KIAA0586: variants seen among roughly 807,000 people sequenced by gnomAD.
KIAA0586 encodes the protein KIAA0586, also known as protein TALPID3.
KIAA0586 carries 144 observed loss-of-function variants against 169.8 expected under a neutral mutation model. That is an observed-to-expected ratio of 0.85 (90% confidence interval 0.74 to 0.97). The LOEUF is 0.97. Ranked by LOEUF, KIAA0586 falls within the 50% of genes least tolerant of loss-of-function variation. KIAA0586 has a pLI of 0.00. For synonymous variants in KIAA0586, 625 were observed against 612.4 expected, an observed-to-expected ratio of 1.02 and a Z score of -0.30; for missense variants, 1,854 against 1,823.0, an observed-to-expected ratio of 1.02 and a Z score of -0.31.
rs1423516534 is a variant in KIAA0586 at position 58,477,258 on chromosome 14, T to G, written c.2944+17T>G. Reference sequence around the variant, plus strand: ...CTGACATTGGTAAGTGAAATAGAATTTTTTTTTGTTTTTATTAAAAGACAA... The same window carrying G: ...CTGACATTGGTAAGTGAAATAGAATGTTTTTTTGTTTTTATTAAAAGACAA... On this transcript the variant is annotated intron_variant, in intron 20 of 30. Coordinates refer to ENST00000652326, the MANE Select transcript of KIAA0586 (RefSeq NM_001329943.3). The G allele has an allele frequency of 3.7e-6, 5 of 1,336,138 alleles. No individual in the cohort carries two copies. Among genetic ancestry groups the G allele is most frequent in the Admixed American group, 2.0e-5 (1 of 48,970 alleles). The allele number at this position is 1,336,138 out of a possible 1,614,324, so 82.8% of individuals were successfully genotyped here.
chr14:58,492,874 A>G (rs953143532), intron 26 of KIAA0586, among the ~76,000 whole-genome samples: 1 of 152,238 alleles, frequency 6.6e-6, no homozygotes, highest in Non-Finnish European at 1.5e-5. Context: ...ATTAAAGCAT[A>G]TTTGGAAAGT....
intron 14 of KIAA0586, among the ~76,000 whole-genome samples, chr14:58,463,537 T>C (rs2040498704): frequency 6.6e-6 from 1 of 152,156 alleles, no homozygotes; most frequent in African/African-American, 2.4e-5. Context: ...AAAGAAACTA[T>C]ATTTAAAAGT....
At chr14:58,476,594 G>C in intron 19 of KIAA0586, among the ~76,000 whole-genome samples, 1 of 150,480 alleles carries the variant, frequency 6.6e-6, no homozygotes, top group East Asian at 2.0e-4. Context: ...TAATCTGAAA[G>C]ATTTTAATTT....
chr14:58,523,148 A>T (rs1319538546), intron 29 of KIAA0586, among the ~76,000 whole-genome samples: 1 of 152,186 alleles, frequency 6.6e-6, no homozygotes, highest in Non-Finnish European at 1.5e-5. Context: ...TGACATGGAA[A>T]ATCTGTTAAA....
At chr14:58,463,970 G>T (rs181496149) in intron 14 of KIAA0586, 49 of 446,198 alleles carry the variant, frequency 1.1e-4, no homozygotes, top group Admixed American at 8.1e-4. Flanking sequence ...GACCTTGCAG[G>T]ACCTCACCTC....
intron 20 of KIAA0586, among the ~76,000 whole-genome samples, chr14:58,478,287 G>A (rs569876850): frequency 3.3e-5 from 5 of 152,240 alleles, no homozygotes; most frequent in South Asian, 4.1e-4. Flanking sequence ...GTTTGAGATC[G>A]TCCTGGCCAA....
In KIAA0586 at chr14:58,436,492, G is replaced by A. The variant is rs541464555; in HGVS notation, c.410+4035G>A. Among the ~76,000 whole-genome samples the A allele has an allele frequency of 2.6e-4, 39 of 152,236 alleles. No individual in the cohort carries two copies. In the South Asian group the frequency reaches 6.6e-3, roughly 26 times the overall value. On this transcript the variant is annotated intron_variant, in intron 4 of 30. Transcript: ENST00000652326. ...ATGTTCTTGGATGGGAAGACTAAGCGCTGTAAAAATACAAGTTATTACAAA... is the reference window on the plus strand; with the variant it reads ...ATGTTCTTGGATGGGAAGACTAAGCACTGTAAAAATACAAGTTATTACAAA...
intron 27 of KIAA0586, among the ~76,000 whole-genome samples, chr14:58,503,810 C>CAAA (rs61688010): frequency 3.3e-5 from 2 of 60,624 alleles, no homozygotes; most frequent in African/African-American, 5.5e-5. Context: ...GGGACAAAGG[C>CAAA]AAAAAAAAAA....
intron 20 of KIAA0586, among the ~76,000 whole-genome samples, chr14:58,478,665 C>G (rs1034162652): frequency 6.6e-6 from 1 of 152,154 alleles, no homozygotes; most frequent in Non-Finnish European, 1.5e-5. Context: ...ATATATTAGC[C>G]ACATAATCAT....
intron 20 of KIAA0586, among the ~76,000 whole-genome samples, chr14:58,478,392 A>G (rs1337644747): frequency 1.3e-5 from 2 of 152,188 alleles, no homozygotes; most frequent in Non-Finnish European, 2.9e-5. Context: ...CTGAGACAGG[A>G]GAATTGCTTG....
chr14:58,489,553 T>C lies in KIAA0586; in HGVS notation c.3782-611T>C, dbSNP rs147340273. ...GAATTTTTTTTTTTACCAAATAATA[T>C]ATTGTGGATATCTTTTAATATAACT... On this transcript the variant is annotated intron_variant, in intron 24 of 30. Coordinates refer to ENST00000652326, the MANE Select transcript of KIAA0586 (RefSeq NM_001329943.3). 5.0e-4 allele frequency among the ~76,000 whole-genome samples: 76 copies of C among 152,204 alleles called. 1 individual carries two copies. The East Asian group carries it at 5.6e-3, about 11-fold the overall frequency.
In KIAA0586 at chr14:58,512,490, A is replaced by T. The variant is rs948707031; in HGVS notation, c.4324-32A>T. 17 of 1,180,620 alleles carry T rather than the reference A, an allele frequency of 1.4e-5. No individual in the cohort carries two copies. The Middle Eastern group carries it at 7.6e-4, about 53-fold the overall frequency. The allele number at this position is 1,180,620 out of a possible 1,614,324, so 73.1% of individuals were successfully genotyped here. Reference sequence around the variant, plus strand: ...AGATTTTTTTAAGTAACTAAAAAATAATATTATGACTTCATATCTTAAATT... The same window carrying T: ...AGATTTTTTTAAGTAACTAAAAAATTATATTATGACTTCATATCTTAAATT... On this transcript the variant is annotated intron_variant, in intron 28 of 30. Coordinates refer to ENST00000652326, the MANE Select transcript of KIAA0586 (RefSeq NM_001329943.3).
chr14:58,501,011 G>A (rs530419754), intron 27 of KIAA0586, among the ~76,000 whole-genome samples: 138 of 152,216 alleles, frequency 9.1e-4, no homozygotes, highest in African/African-American at 3.1e-3. Context: ...TTATAAATAC[G>A]TTTTAGCGAG....
chr14:58,491,719 C>T (rs527660748), intron 25 of KIAA0586, among the ~76,000 whole-genome samples: 1 of 152,342 alleles, frequency 6.6e-6, no homozygotes, highest in South Asian at 2.1e-4. Context: ...TGCAGTTTTT[C>T]ATTTTTGCTT....
intron 14 of KIAA0586, chr14:58,464,168 G>A: frequency 5.6e-6 from 2 of 358,844 alleles, no homozygotes; most frequent in East Asian, 8.9e-5. Context: ...AAGAGTTGAG[G>A]GTTGCTAATA....
At chr14:58,442,655 A>G in intron 4 of KIAA0586, 51 bp from the exon 5 acceptor site, 1 of 1,283,378 alleles carries the variant, frequency 7.8e-7, no homozygotes, top group Non-Finnish European at 1.1e-6. Flanking sequence ...ATTTCTTGAA[A>G]TGTTTCAATG....
In KIAA0586 at chr14:58,453,408, T is replaced by C; in HGVS notation, c.1188T>C (p.Ser396=). ...LNNNDSLTRK[S]ESSNTTSLTR... is the part of the protein sequence containing the mutation. ...ATAATGATTCTTTGACAAGAAAAAG[T>C]GAATCATCAAACACCACCTCACTAA... Residue 396 remains serine (S), a synonymous_variant, in exon 9 of 31, where the codon AGT becomes AGC. Coordinates refer to ENST00000652326, the MANE Select transcript of KIAA0586 (RefSeq NM_001329943.3). 6.7e-7 allele frequency: 1 copy of C among 1,484,412 alleles called. No homozygotes were observed. The highest frequency in any genetic ancestry group is 2.5e-5 in the East Asian group (1 of 40,186). The allele number at this position is 1,484,412 out of a possible 1,614,324, so 92.0% of individuals were successfully genotyped here. A position where few individuals can be genotyped will look rare whatever the true frequency, so the allele number is the denominator to read the frequency against.
rs1174594143 is a variant in KIAA0586 at position 58,477,151 on chromosome 14, A to AG, written c.2854_2855insG (p.Ile952SerfsTer14). ...AGAGCAAGAAATAATGTCAAGAATT[A>AG]TCTCTGGGCTCTTTCCAGTCCAGCA... On this transcript the variant is annotated frameshift_variant, in exon 20 of 31. Coordinates refer to ENST00000652326, the MANE Select transcript of KIAA0586 (RefSeq NM_001329943.3). LOFTEE classifies it high-confidence loss of function. The AG allele has an allele frequency of 1.3e-6, 2 of 1,575,244 alleles. No individual in the cohort carries two copies. Among genetic ancestry groups the AG allele is most frequent in the African/African-American group, 2.7e-5 (2 of 74,300 alleles).
chr14:58,444,625 T>C (rs1042502741), intron 6 of KIAA0586, among the ~76,000 whole-genome samples: 6 of 152,042 alleles, frequency 3.9e-5, no homozygotes, highest in Non-Finnish European at 7.4e-5. Context: ...GGTTTCACCA[T>C]GTTGGTCAGG....
Sources: allele counts gnomAD v4.1 joint callset (sites outside exome capture counted in the v4.1 genomes callset), GRCh38; gene constraint gnomAD v4.1.1; transcripts MANE v1.5; gene names NCBI Gene and HGNC (gene_info 2026-07-23, HGNC 2026-07-21).